The following MIPOL1 variants were observed in gnomAD, a reference collection of about 807,000 sequenced individuals.
The protein encoded by MIPOL1 is mirror-image polydactyly gene 1 protein.
In MIPOL1, 57 loss-of-function variants were observed where a neutral mutation model predicts 60.9. The ratio of observed to expected loss-of-function variants is 0.94; its 90% CI spans 0.76 to 1.17. The LOEUF is 1.17. Ranked by LOEUF, MIPOL1 falls within the 50% of genes most tolerant of loss-of-function variation. MIPOL1 has a pLI of 0.00. For missense variants in MIPOL1, 551 were observed against 511.6 expected, an observed-to-expected ratio of 1.08 and a Z score of -0.74; for synonymous variants, 179 against 168.8, an observed-to-expected ratio of 1.06 and a Z score of -0.47.
intron 1 of MIPOL1, among the ~76,000 whole-genome samples, chr14:37,246,874 G>T (rs773690543): frequency 6.6e-6 from 1 of 151,996 alleles, no homozygotes; most frequent in Non-Finnish European, 1.5e-5. Context: ...ATTGCAGAGG[G>T]ATAAAATTAT....
At chr14:37,551,717 T>A (rs2095561993), downstream of MIPOL1, 1 of 151,182 alleles carries the variant, frequency 6.6e-6, no homozygotes, top group Admixed American at 6.6e-5. Flanking sequence ...CTAAAAAAAG[T>A]ACAAAAAAGA....
intron 10 of MIPOL1, among the ~76,000 whole-genome samples, chr14:37,387,211 A>C (rs766046700): frequency 6.6e-6 from 1 of 151,818 alleles, no homozygotes; most frequent in African/African-American, 2.4e-5. Flanking sequence ...TTTTTAAACT[A>C]TGAAAGTATT....
At chr14:37,247,697 A>T (rs1313038761) in intron 2 of MIPOL1, 132 bp from the exon 3 acceptor site, 1 of 529,248 alleles carries the variant, frequency 1.9e-6, no homozygotes, top group East Asian at 3.1e-5. Context: ...TGAAATTCTC[A>T]GTTAATTGTC....
chr14:37,346,330 A>G (rs1358071753), intron 9 of MIPOL1, among the ~76,000 whole-genome samples: 3 of 151,238 alleles, frequency 2.0e-5, no homozygotes, highest in Admixed American at 6.6e-5. Flanking sequence ...CTCCGTCTCA[A>G]AAAAATAAAA....
At chr14:37,345,695 C>T (rs941015552) in intron 9 of MIPOL1, among the ~76,000 whole-genome samples, 1 of 152,084 alleles carries the variant, frequency 6.6e-6, no homozygotes, top group African/African-American at 2.4e-5. Context: ...GCCCATATTC[C>T]AGGTGCTAGG....
chr14:37,349,155 A>G (rs2091166203), intron 9 of MIPOL1, among the ~76,000 whole-genome samples: 1 of 151,476 alleles, frequency 6.6e-6, no homozygotes, highest in African/African-American at 2.4e-5. Flanking sequence ...CACCTGGCTA[A>G]TTTTTGTATT....
intron 1 of MIPOL1, among the ~76,000 whole-genome samples, chr14:37,232,580 A>G (rs576305509): frequency 2.0e-5 from 3 of 152,270 alleles, no homozygotes; most frequent in Admixed American, 6.5e-5. Context: ...TCTTCTGTCA[A>G]CACATACTTG....
At chr14:37,401,642 C>T (rs1172286552) in intron 10 of MIPOL1, 1 of 151,950 alleles carries the variant, frequency 6.6e-6, no homozygotes, top group Non-Finnish European at 1.5e-5. Context: ...AAAACAAAGA[C>T]TTTTTTAAAA....
At chr14:37,427,703 G>GA (rs991021781) in intron 11 of MIPOL1, among the ~76,000 whole-genome samples, 1 of 151,958 alleles carries the variant, frequency 6.6e-6, no homozygotes, top group African/African-American at 2.4e-5. Context: ...AGGAAATTAT[G>GA]AAAAAAACCA....
chr14:37,228,228 T>G (rs577033513), intron 1 of MIPOL1, among the ~76,000 whole-genome samples: 1 of 152,268 alleles, frequency 6.6e-6, no homozygotes, highest in East Asian at 1.9e-4. Context: ...AGTGTCTACC[T>G]TTCACCTGAG....
rs76200007 is a variant in MIPOL1, at chr14:37,449,785, CATTTATTT to C, written c.1031+26858_1031+26865del. Among the ~76,000 whole-genome samples, 236 of 151,678 alleles carry C rather than the reference CATTTATTT, an allele frequency of 1.6e-3. 1 individual carries two copies. Among genetic ancestry groups the C allele is most frequent in the African/African-American group, 4.5e-3 (186 of 41,324 alleles). Reference sequence around the variant, plus strand: ...TTATCCTGCCTTAAATTTCTGATTACATTTATTTATTTATTTATTTATTTATTTACTTA... The same window carrying C: ...TTATCCTGCCTTAAATTTCTGATTACATTTATTTATTTATTTATTTACTTA... On this transcript the variant is annotated intron_variant, in intron 11 of 12. Transcript: ENST00000684589.
chr14:37,483,178 T>C (rs1393806650), intron 11 of MIPOL1, among the ~76,000 whole-genome samples: 1 of 150,424 alleles, frequency 6.6e-6, no homozygotes, highest in African/African-American at 2.5e-5. Context: ...AGTGGCATGA[T>C]CCTGACTCAC....
chr14:37,433,443 T>A (rs1489934498), intron 11 of MIPOL1, among the ~76,000 whole-genome samples: 1 of 152,126 alleles, frequency 6.6e-6, no homozygotes, highest in Non-Finnish European at 1.5e-5. Flanking sequence ...ATTGTTCAAC[T>A]TCCGCTTATG....
In MIPOL1 at chr14:37,407,842, CTTCT is replaced by C. The variant is rs1391024190; in HGVS notation, c.937-15010_937-15007del. On this transcript the variant is annotated intron_variant, in intron 10 of 12. Coordinates refer to ENST00000684589, the MANE Select transcript of MIPOL1 (RefSeq NM_001388067.1). ...ATTTTTTCTTTTCTTTCTTCTTCTT[CTTCT>C]TTTTTTTTTTTTTTTTTTTTGGAGA... 2.1e-4 allele frequency among the ~76,000 whole-genome samples: 12 copies of C among 58,062 alleles called. No homozygotes were observed. In the East Asian group the frequency reaches 4.1e-3, roughly 20 times the overall value. The allele number at this position is 58,062 out of a possible 152,430, so 38.1% of individuals were successfully genotyped here. A position where few individuals can be genotyped will look rare whatever the true frequency, so the allele number is the denominator to read the frequency against.
rs560368645 is a variant in MIPOL1, at chr14:37,455,398, C to T, written c.1031+32449C>T. On this transcript the variant is annotated intron_variant, in intron 11 of 12. Transcript: ENST00000684589. Reference sequence around the variant, plus strand: ...TCACTCTTTCTTGACTGCCATTTACCTTAAAACCATTCAATAATAGTCTTC... The same window carrying T: ...TCACTCTTTCTTGACTGCCATTTACTTTAAAACCATTCAATAATAGTCTTC... Among the ~76,000 whole-genome samples, 24 of 152,228 alleles carry T rather than the reference C, an allele frequency of 1.6e-4. No individual in the cohort carries two copies. In the South Asian group the frequency reaches 4.4e-3, roughly 28 times the overall value.
intron 1 of MIPOL1, among the ~76,000 whole-genome samples, chr14:37,203,554 G>C (rs1314064663): frequency 6.6e-6 from 1 of 152,144 alleles, no homozygotes; most frequent in African/African-American, 2.4e-5. Context: ...ACTAGACCTA[G>C]AGGCTCACTT....
At chr14:37,325,268 C>A (rs751691573) in intron 9 of MIPOL1, among the ~76,000 whole-genome samples, 1 of 151,956 alleles carries the variant, frequency 6.6e-6, no homozygotes, top group Non-Finnish European at 1.5e-5. Context: ...ATTCCGTTTA[C>A]CCTCGTCTTT....
At chr14:37,267,551 T>G (rs1182668462) in intron 4 of MIPOL1, among the ~76,000 whole-genome samples, 1 of 152,106 alleles carries the variant, frequency 6.6e-6, no homozygotes, top group Non-Finnish European at 1.5e-5. Flanking sequence ...CTTCCCTTTC[T>G]TCCTCTTTCC....
At chr14:37,265,510 A>G (rs2082811795) in intron 3 of MIPOL1, among the ~76,000 whole-genome samples, 1 of 152,200 alleles carries the variant, frequency 6.6e-6, no homozygotes, top group Non-Finnish European at 1.5e-5. Context: ...ATGAATAAAT[A>G]AATTAGAAGA....
Sources: allele counts gnomAD v4.1 joint callset (sites outside exome capture counted in the v4.1 genomes callset), GRCh38; gene constraint gnomAD v4.1.1; transcripts MANE v1.5; gene names NCBI Gene and HGNC (gene_info 2026-07-23, HGNC 2026-07-21).